Variants in VTI1A observed in about 807,000 individuals in gnomAD.
VTI1A encodes vesicle transport through interaction with t-SNAREs homolog 1A.
Under a neutral mutation model 34.9 loss-of-function variants are expected in VTI1A, and 22 were observed. The ratio of observed to expected loss-of-function variants is 0.63; its 90% confidence interval spans 0.45 to 0.90. VTI1A has a LOEUF of 0.90. Among genes scored for constraint, VTI1A ranks in the 40% least tolerant of loss-of-function variants. VTI1A has a pLI of 0.00. For missense variants in VTI1A, 268 were observed against 275.6 expected, an observed-to-expected ratio of 0.97 and a Z score of 0.20; for synonymous variants, 87 against 97.3, an observed-to-expected ratio of 0.89 and a Z score of 0.62.
chr10:112,592,602 G>A (rs904587046), intron 5 of VTI1A, among the ~76,000 whole-genome samples: 2 of 152,154 alleles, frequency 1.3e-5, no homozygotes, highest in Admixed American at 6.5e-5. Context: ...TGATCTATCC[G>A]TGCTTTGATT....
chr10:112,597,887 C>T (rs532980906), intron 5 of VTI1A, among the ~76,000 whole-genome samples: 213 of 150,876 alleles, frequency 1.4e-3, no homozygotes, highest in African/African-American at 4.5e-3. Flanking sequence ...TTAGTAGAGG[C>T]GGGGTTTCAC....
rs1176258933 is a variant in VTI1A at position 112,736,101 on chromosome 10, ATGTG to A, written c.560+67111_560+67114del. 9.1e-4 allele frequency among the ~76,000 whole-genome samples: 115 copies of A among 126,962 alleles called. 3 individuals carry two copies. The highest frequency in any genetic ancestry group is 3.2e-3 in the African/African-American group (92 of 28,686). 83.3% of individuals were successfully genotyped at this position (126,962 alleles called of 152,430 possible). The stretch of plus-strand genomic sequence containing the variant: ...TATATATAGTATATTTTACATATAT[ATGTG>A]TGTGTGTATATATATATATATATAT... On this transcript the variant is annotated intron_variant, in intron 7 of 7. Coordinates refer to ENST00000393077, the MANE Select transcript of VTI1A (RefSeq NM_145206.4).
chr10:112,766,742 G>T (rs982788298), intron 7 of VTI1A, among the ~76,000 whole-genome samples: 1 of 152,220 alleles, frequency 6.6e-6, no homozygotes, highest in Admixed American at 6.5e-5. Context: ...GGTCTTGTAT[G>T]CATCTTCATA....
At position 112,659,069 on chromosome 10, in the gene VTI1A, A is replaced by G. The variant is rs1042637519; in HGVS notation, c.428-9149A>G. On this transcript the variant is annotated intron_variant, in intron 5 of 7. Transcript: ENST00000393077. The stretch of plus-strand genomic sequence containing the variant: ...ATTAACTCGGCTCAGAATGATTTCT[A>G]AGAAGCCTTTCTAATTACTTTCTAA... Among the ~76,000 whole-genome samples the G allele has an allele frequency of 1.3e-5, 2 of 152,240 alleles. 1 individual carries two copies. Among genetic ancestry groups the G allele is most frequent in the Non-Finnish European group, 2.9e-5 (2 of 68,042 alleles).
intron 7 of VTI1A, among the ~76,000 whole-genome samples, chr10:112,782,408 C>T (rs1363923965): frequency 5.9e-5 from 9 of 152,272 alleles, no homozygotes; most frequent in Admixed American, 3.9e-4. Context: ...TCTTTTTCGG[C>T]GTGGAAGCGC....
At chr10:112,522,780 G>T (rs1850074098) in intron 3 of VTI1A, among the ~76,000 whole-genome samples, 1 of 151,998 alleles carries the variant, frequency 6.6e-6, no homozygotes, top group Non-Finnish European at 1.5e-5. Flanking sequence ...TGATTTTATT[G>T]TAATACCAGA....
chr10:112,712,772 T>C (rs879319565), intron 7 of VTI1A, among the ~76,000 whole-genome samples: 6 of 152,220 alleles, frequency 3.9e-5, no homozygotes, highest in Non-Finnish European at 7.4e-5. Context: ...CTGTTGCCAA[T>C]GGAGACTGGT....
the VTI1A span, among the ~76,000 whole-genome samples, chr10:112,830,900 A>G: frequency 7.5e-6 from 1 of 133,770 alleles, no homozygotes; most frequent in Non-Finnish European, 1.6e-5. Flanking sequence ...CCCAAGCTGG[A>G]GTGCAGTGGC....
rs144749936 is a variant in VTI1A, at chr10:112,720,014, G to A, written c.560+51016G>A. On this transcript the variant is annotated intron_variant, in intron 7 of 7. Coordinates refer to ENST00000393077, the MANE Select transcript of VTI1A (RefSeq NM_145206.4). ...AATCATACTATATGTGGTATTTTGC[G>A]TCTGGCTTCTTTCACTTAGCATAAT... Among the ~76,000 whole-genome samples the A allele has an allele frequency of 8.9e-3, 1,362 of 152,206 alleles. 11 individuals carry two copies. Among genetic ancestry groups the A allele is most frequent in the Non-Finnish European group, 0.013 (897 of 68,022 alleles).
chr10:112,803,472 TG>T (rs369818504), intron 7 of VTI1A, among the ~76,000 whole-genome samples: 25 of 152,344 alleles, frequency 1.6e-4, no homozygotes, highest in African/African-American at 5.8e-4. Context: ...TTAGAGGCAG[TG>T]GCCGCTTGAA....
chr10:112,829,702 T>C, the VTI1A span, among the ~76,000 whole-genome samples: 1 of 150,628 alleles, frequency 6.6e-6, no homozygotes, highest in Non-Finnish European at 1.5e-5. Flanking sequence ...TGCAGTGAGC[T>C]AAGATTGTGC....
At chr10:112,561,566 T>C (rs1851726405) in intron 5 of VTI1A, among the ~76,000 whole-genome samples, 1 of 152,200 alleles carries the variant, frequency 6.6e-6, no homozygotes, top group Non-Finnish European at 1.5e-5. Flanking sequence ...TTCATCAACA[T>C]GAAGCTGTAA....
intron 7 of VTI1A, among the ~76,000 whole-genome samples, chr10:112,736,111 G>GTATA (rs372188173): frequency 0.013 from 1,560 of 116,166 alleles, 19 homozygotes; most frequent in South Asian, 0.032. Flanking sequence ...ATGTGTGTGT[G>GTATA]TATATATATA....
intron 3 of VTI1A, among the ~76,000 whole-genome samples, chr10:112,494,425 T>G (rs1463492203): frequency 6.6e-6 from 1 of 152,108 alleles, no homozygotes; most frequent in Non-Finnish European, 1.5e-5. Flanking sequence ...CTACTCCAGG[T>G]TTCATTTGCT....
At chr10:112,595,418 A>G (rs1844591287) in intron 5 of VTI1A, among the ~76,000 whole-genome samples, 2 of 151,864 alleles carry the variant, frequency 1.3e-5, no homozygotes, top group African/African-American at 4.8e-5. Flanking sequence ...CTCATCTGAC[A>G]AAGGGCTAAT....
At chr10:112,720,664 A>G (rs912248419) in intron 7 of VTI1A, among the ~76,000 whole-genome samples, 39 of 152,192 alleles carry the variant, frequency 2.6e-4, no homozygotes, top group African/African-American at 9.2e-4. Flanking sequence ...CCATGGTAGT[A>G]TTTTAGATTA....
At chr10:112,571,100 AT>A (rs765695516) in intron 5 of VTI1A, among the ~76,000 whole-genome samples, 2 of 152,130 alleles carry the variant, frequency 1.3e-5, no homozygotes, top group Non-Finnish European at 2.9e-5. Context: ...GTTTATGGGT[AT>A]TTATCTTTAT....
rs540935355 is a variant in VTI1A, at chr10:112,781,974, A to G, written c.561-33316A>G. ...ATTACCCCCAGGAAACCTCTTGCAC[A>G]CCTAACTCCTTCCAGCATCTCCTTT... On this transcript the variant is annotated intron_variant, in intron 7 of 7. Coordinates refer to ENST00000393077, the MANE Select transcript of VTI1A (RefSeq NM_145206.4). Among the ~76,000 whole-genome samples, 6 of 152,286 alleles carry G rather than the reference A, an allele frequency of 3.9e-5. No individual in the cohort carries two copies. In the East Asian group the frequency reaches 1.2e-3, roughly 29 times the overall value.
At chr10:112,510,519 C>G (rs1022575528) in intron 3 of VTI1A, among the ~76,000 whole-genome samples, 3 of 151,994 alleles carry the variant, frequency 2.0e-5, no homozygotes, top group Admixed American at 6.6e-5. Flanking sequence ...ACCTGTAGTA[C>G]CAGCTACTCA....
Sources: allele counts gnomAD v4.1 joint callset (sites outside exome capture counted in the v4.1 genomes callset), GRCh38; gene constraint gnomAD v4.1.1; transcripts MANE v1.5; gene names NCBI Gene and HGNC (gene_info 2026-07-23, HGNC 2026-07-21).